Variants in PRR12 observed in about 807,000 individuals in gnomAD.
The protein encoded by PRR12 is proline-rich protein 12.
In PRR12, 12 loss-of-function variants were observed where a neutral mutation model predicts 138.0. That is an observed-to-expected ratio of 0.09 (90% CI 0.06 to 0.14). PRR12 has a LOEUF of 0.14. Ranked by LOEUF, PRR12 falls within the 10% of genes least tolerant of loss-of-function variation. The probability of loss-of-function intolerance (pLI) is 1.00; values close to 1 mark genes in which losing one functional copy is unlikely to be tolerated. For missense variants in PRR12, 2,692 were observed against 2,861.3 expected (o/e 0.94, Z 1.35); for synonymous variants, 1,567 against 1,291.7 (o/e 1.21, Z -4.57).
At chr19:49,605,844 T>C (rs1212968795) in intron 6 of PRR12, among the ~76,000 whole-genome samples, 1 of 152,242 alleles carries the variant, frequency 6.6e-6, no homozygotes, top group African/African-American at 2.4e-5. Flanking sequence ...AACTTGAGTG[T>C]GCATTATAAT....
At chr19:49,612,214 GCAAGA>G (rs1568428845) in intron 6 of PRR12, among the ~76,000 whole-genome samples, 21 of 143,696 alleles carry the variant, frequency 1.5e-4, no homozygotes, top group East Asian at 1.2e-3. Context: ...TGGCGACAGA[GCAAGA>G]CTCTGTCTCA....
At chr19:49,610,703 G>A (rs997099826) in intron 6 of PRR12, among the ~76,000 whole-genome samples, 8 of 151,896 alleles carry the variant, frequency 5.3e-5, no homozygotes, top group Admixed American at 2.6e-4. Flanking sequence ...CACCACGTCC[G>A]TCTAATTTTT....
Position 49,614,364 on chromosome 19 carries a change from A to AAACAAAAAAG in PRR12, c.4774-169_4774-168insAACAAAAAAG, listed in dbSNP as rs1382382925. Among the ~76,000 whole-genome samples, 1 of 152,178 alleles carries AAACAAAAAAG rather than the reference A, an allele frequency of 6.6e-6. No homozygotes were observed. Among genetic ancestry groups the AAACAAAAAAG allele is most frequent in the Non-Finnish European group, 1.5e-5 (1 of 68,036 alleles). On this transcript the variant is annotated intron_variant, in intron 6 of 13. Coordinates refer to ENST00000418929, the MANE Select transcript of PRR12 (RefSeq NM_020719.3). The surrounding 1 kb of genome is among the most constrained non-coding windows in gnomAD (Gnocchi z 5.0). ...GCAGGAGGCGACAGGGTCAAGTTCA[A>AAACAAAAAAG]GCTGTACACAGAGCTGAACACATCA...
chr19:49,599,528 G>A lies in PRR12; in HGVS notation c.3935G>A (p.Ser1312Asn), dbSNP rs201936110. Residue 1312 changes from serine (S) to asparagine (N), a missense_variant, in exon 5 of 14, where the codon AGT becomes AAT. Physicochemically the swap from Ser to Asn is conservative, Grantham distance 46. Coordinates refer to ENST00000418929, the MANE Select transcript of PRR12 (RefSeq NM_020719.3). This position sits in a 1 kb window ranked among gnomAD's most constrained non-coding sequence, Gnocchi z 5.0. The stretch of plus-strand genomic sequence containing the variant: ...ACGCCTCCGCTCAGCCCTCCCAAGA[G>A]TGTGCCACCCTCTGTGCCAGCCCGA... The part of the protein sequence containing the change: ...GLTPPLSPPK[S>N]VPPSVPARGL... 154 of 1,597,612 alleles carry A rather than the reference G, an allele frequency of 9.6e-5. No homozygotes were observed. Among genetic ancestry groups the A allele is most frequent in the Non-Finnish European group, 1.6e-5 (19 of 1,172,720 alleles).
chr19:49,615,029 CAG>C lies in PRR12; in HGVS notation c.5024+21_5024+22del, dbSNP rs750325484. On this transcript the variant is annotated intron_variant, in intron 8 of 13. Transcript: ENST00000418929. ...AGTCAGGTACCAACCATGGGGGACA[CAG>C]GGGCAGGTAGTATGTAGCGCCGACA... 4.6e-5 allele frequency: 74 copies of C among 1,613,176 alleles called. No homozygotes were observed. Among genetic ancestry groups the C allele is most frequent in the East Asian group, 2.5e-4 (11 of 44,888 alleles).
At position 49,595,625 on chromosome 19, in the gene PRR12, G is replaced by A. The variant is rs2080762149; in HGVS notation, c.1290G>A (p.Gly430=). The A allele has an allele frequency of 6.2e-7, 1 of 1,607,854 alleles. No homozygotes were observed. Among genetic ancestry groups the A allele is most frequent in the African/African-American group, 1.3e-5 (1 of 74,798 alleles). Residue 430 remains glycine, a synonymous_variant, in exon 4 of 14, where the codon GGG becomes GGA. Transcript: ENST00000418929. ...GGCCAGCAGCCGCCTATGCCACTGG[G>A]AAGGCCTCTGGGGCTGGAGGGGCAG... ...LGGPAAAYAT[G]KASGAGGAGG...
intron 6 of PRR12, among the ~76,000 whole-genome samples, chr19:49,603,273 G>A (rs1037514331): frequency 6.6e-6 from 1 of 152,258 alleles, no homozygotes; most frequent in African/African-American, 2.4e-5. Context: ...AGGTGCTCAG[G>A]AGGTCAGCCC....
intron 9 of PRR12, among the ~76,000 whole-genome samples, chr19:49,617,825 G>T (rs1370800313): frequency 6.6e-6 from 1 of 152,082 alleles, no homozygotes; most frequent in African/African-American, 2.4e-5. Flanking sequence ...AATAAAAGCG[G>T]CCGGGCACAG....
In PRR12 at chr19:49,624,830, T is replaced by C. The variant is rs758824076; in HGVS notation, c.5722-14T>C. The C allele has an allele frequency of 8.1e-6, 13 of 1,609,550 alleles. No individual in the cohort carries two copies. Among genetic ancestry groups the C allele is most frequent in the African/African-American group, 4.0e-5 (3 of 74,784 alleles). On this transcript the variant is annotated splice_polypyrimidine_tract_variant and intron_variant, in intron 11 of 13. Transcript: ENST00000418929. ...TCCAGGGCAGCATCCAGCTGACCCA[T>C]TGGCTTCCCGCAGGATGCTCTGCAC...
chr19:49,592,653 C>T (rs1326341172), intron 1 of PRR12, among the ~76,000 whole-genome samples: 1 of 152,120 alleles, frequency 6.6e-6, no homozygotes, highest in South Asian at 2.1e-4. Flanking sequence ...TATATCTTTT[C>T]TTCCCCACGG....
chr19:49,597,617 G>T lies in PRR12; in HGVS notation c.3282G>T (p.Leu1094=). The change falls in exon 4 of 14, where the codon CTG becomes CTT. Residue 1094 remains leucine, a synonymous_variant. Coordinates refer to ENST00000418929, the MANE Select transcript of PRR12 (RefSeq NM_020719.3). The surrounding 1 kb of genome is among the most constrained non-coding windows in gnomAD (Gnocchi z 6.3). ...CACCCTTCCAGACCCCCAAGAAGCT[G>T]TACGCCCAGGAGTACGAGTTCGAGG... ...RDPPFQTPKK[L]YAQEYEFEAD... The T allele has an allele frequency of 1.2e-6, 2 of 1,610,030 alleles. No individual in the cohort carries two copies. The highest frequency in any genetic ancestry group is 1.7e-6 in the Non-Finnish European group (2 of 1,178,904).
At chr19:49,605,414 C>T (rs1322300820) in intron 6 of PRR12, among the ~76,000 whole-genome samples, 1 of 151,798 alleles carries the variant, frequency 6.6e-6, no homozygotes, top group African/African-American at 2.4e-5. Context: ...AGGCATGTGC[C>T]ACCATGCCTG....
In PRR12 at chr19:49,616,150, A is replaced by G. The variant is rs2122359068; in HGVS notation, c.5428A>G (p.Thr1810Ala). Reference sequence around the variant, plus strand: ...GCTGAAGGAGGCAGGCGGCAACGCTACAGCAGGCGGGGGCCCACCAGGCAG... The same window carrying G: ...GCTGAAGGAGGCAGGCGGCAACGCTGCAGCAGGCGGGGGCCCACCAGGCAG... Reference protein sequence around the residue: ...KWLKEAGGNATAGGGPPGSSS... With the variant: ...KWLKEAGGNAAAGGGPPGSSS... The change falls in exon 9 of 14, where the codon ACA becomes GCA. Residue 1810 changes from threonine to alanine, a missense_variant. Physicochemically the swap from Thr to Ala is moderately conservative, Grantham distance 58. Transcript: ENST00000418929. The surrounding 1 kb of genome is among the most constrained non-coding windows in gnomAD (Gnocchi z 4.2). The G allele has an allele frequency of 6.4e-7, 1 of 1,564,024 alleles. No homozygotes were observed. The highest frequency in any genetic ancestry group is 8.7e-7 in the Non-Finnish European group (1 of 1,154,822).
chr19:49,609,046 G>A (rs546995116), intron 6 of PRR12, among the ~76,000 whole-genome samples: 1 of 152,274 alleles, frequency 6.6e-6, no homozygotes, highest in African/African-American at 2.4e-5. Flanking sequence ...GGGCACAGTG[G>A]CTCCTGCCTG....
rs2080882922 is a variant in PRR12 at position 49,614,755 on chromosome 19, AG to A, written c.4890+111del. Reference sequence around the variant, plus strand: ...TGACTCACTCCACAGTGTATCTGGAAGGGGGCCCCCTGCTGCCGGCAGGCTC... The same window carrying A: ...TGACTCACTCCACAGTGTATCTGGAAGGGGCCCCCTGCTGCCGGCAGGCTC... On this transcript the variant is annotated intron_variant, in intron 7 of 13. Coordinates refer to ENST00000418929, the MANE Select transcript of PRR12 (RefSeq NM_020719.3). The surrounding 1 kb of genome is among the most constrained non-coding windows in gnomAD (Gnocchi z 5.0). 2 of 1,514,630 alleles carry A rather than the reference AG, an allele frequency of 1.3e-6. No individual in the cohort carries two copies. The highest frequency in any genetic ancestry group is 1.8e-6 in the Non-Finnish European group (2 of 1,110,422). The allele number at this position is 1,514,630 out of a possible 1,614,324, so 93.8% of individuals were successfully genotyped here.
chr19:49,623,326 T>C (rs950226363), intron 11 of PRR12, among the ~76,000 whole-genome samples: 7 of 152,146 alleles, frequency 4.6e-5, no homozygotes, highest in South Asian at 4.1e-4. Context: ...AGTCGGGAGT[T>C]AGAATTCTGG....
chr19:49,614,464 G>A lies in PRR12; in HGVS notation c.4774-69G>A. ...GATGGTGAGGGAAGCCAGTGGGCCA[G>A]GGCGTAGGGGCAGTAGGTCTAGGAA... is the stretch of plus-strand genomic sequence containing the variant. On this transcript the variant is annotated intron_variant, in intron 6 of 13. Coordinates refer to ENST00000418929, the MANE Select transcript of PRR12 (RefSeq NM_020719.3). The surrounding 1 kb of genome is among the most constrained non-coding windows in gnomAD (Gnocchi z 5.0). 8.7e-7 allele frequency: 1 copy of A among 1,151,272 alleles called. No individual in the cohort carries two copies. The highest frequency in any genetic ancestry group is 1.2e-6 in the Non-Finnish European group (1 of 832,310). The allele number at this position is 1,151,272 out of a possible 1,614,324, so 71.3% of individuals were successfully genotyped here.
chr19:49,591,561 G>T lies in PRR12; in HGVS notation c.-94G>T. The stretch of plus-strand genomic sequence containing the variant: ...AGAGAAAAGGGGGGAAAAAAAAGCA[G>T]CAGCGGAGGGAGCGGCGGCGGAGGA... On this transcript the variant is annotated 5_prime_UTR_variant, in exon 1 of 14. Transcript: ENST00000418929. The T allele has an allele frequency of 4.5e-6, 3 of 669,516 alleles. No homozygotes were observed. The highest frequency in any genetic ancestry group is 6.7e-6 in the Non-Finnish European group (3 of 448,618). 41.5% of individuals were successfully genotyped at this position (669,516 alleles called of 1,614,324 possible).
chr19:49,624,406 G>A (rs931254756), intron 11 of PRR12, among the ~76,000 whole-genome samples: 11 of 150,180 alleles, frequency 7.3e-5, no homozygotes, highest in Non-Finnish European at 1.6e-4. Flanking sequence ...AGATAGTTAG[G>A]ATGGGGCTGA....
Sources: allele counts gnomAD v4.1 joint callset (sites outside exome capture counted in the v4.1 genomes callset), GRCh38; gene constraint gnomAD v4.1.1; non-coding constraint Gnocchi (gnomAD v3.1); transcripts MANE v1.5; gene names NCBI Gene and HGNC (gene_info 2026-07-23, HGNC 2026-07-21).